GRIA3: variants seen among roughly 807,000 people sequenced by gnomAD.
GRIA3 encodes the protein glutamate receptor 3.
A neutral mutation model predicts 63.0 loss-of-function variants in GRIA3; 3 were observed. That is an observed-to-expected ratio of 0.05 (90% CI 0.02 to 0.12). GRIA3 has a LOEUF of 0.12. Among genes scored for constraint, GRIA3 ranks in the 10% least tolerant of loss-of-function variants. The pLI is 1.00. For synonymous variants in GRIA3, 274 were observed against 257.9 expected (o/e 1.06, Z -0.60); for missense variants, 347 against 700.9 (o/e 0.50, Z 5.70).
At chrX:123,467,443 T>G (rs2045840481) in intron 13 of GRIA3, among the ~76,000 whole-genome samples, 1 of 112,724 alleles carries the variant, frequency 8.9e-6, no homozygotes, top group Non-Finnish European at 1.9e-5. Flanking sequence ...TTCCCACCAA[T>G]GTGAACTGAT....
intron 3 of GRIA3, among the ~76,000 whole-genome samples, chrX:123,258,608 T>G (rs1326183852): frequency 8.9e-6 from 1 of 111,835 alleles, no homozygotes; most frequent in East Asian, 2.8e-4. Flanking sequence ...CAGACTCTCG[T>G]GCACCTGACA....
At chrX:123,421,232 G>C (rs2045563055) in intron 11 of GRIA3, among the ~76,000 whole-genome samples, 1 of 111,543 alleles carries the variant, frequency 9.0e-6, no homozygotes, top group African/African-American at 3.3e-5. Flanking sequence ...TCTTTTGTGT[G>C]TCTTTCGAAA....
chrX:123,186,290 T>C lies in GRIA3; in HGVS notation c.268+300T>C, dbSNP rs753290226. On this transcript the variant is annotated intron_variant, in intron 2 of 15. Transcript: ENST00000620443. The stretch of plus-strand genomic sequence containing the variant: ...GTTCCTTCTCCAACACTCTCTCTCT[T>C]TTTTTTTTAACTGGGGAAAAAAAAA... Among the ~76,000 whole-genome samples, 6 of 107,901 alleles carry C rather than the reference T, an allele frequency of 5.6e-5. No individual in the cohort carries two copies. In the South Asian group the frequency reaches 2.4e-3, roughly 44 times the overall value. 93.7% of individuals were successfully genotyped at this position (107,901 alleles called of 115,157 possible).
At chrX:123,339,594 A>C (rs1021776442) in intron 4 of GRIA3, among the ~76,000 whole-genome samples, 1 of 112,139 alleles carries the variant, frequency 8.9e-6, no homozygotes, top group Non-Finnish European at 1.9e-5. Flanking sequence ...ATCCTAACTC[A>C]GCTTGACTCA....
chrX:123,274,770 G>C (rs778836082), intron 3 of GRIA3, among the ~76,000 whole-genome samples: 6 of 111,897 alleles, frequency 5.4e-5, no homozygotes, highest in African/African-American at 1.9e-4. Context: ...CAGACCCCAA[G>C]AGTGACAGTG....
At chrX:123,440,163 A>C in intron 12 of GRIA3, among the ~76,000 whole-genome samples, 1 of 112,450 alleles carries the variant, frequency 8.9e-6, no homozygotes, top group East Asian at 2.8e-4. Context: ...TCCATCGTGT[A>C]TCTGTACCAC....
chrX:123,397,242 G>A (rs1290436138), intron 6 of GRIA3, among the ~76,000 whole-genome samples: 3 of 111,910 alleles, frequency 2.7e-5, no homozygotes, highest in African/African-American at 9.7e-5. Context: ...CTTTTGCTTA[G>A]TATTGGTCAT....
At chrX:123,254,499 C>G (rs1285108706) in intron 3 of GRIA3, among the ~76,000 whole-genome samples, 3 of 110,808 alleles carry the variant, frequency 2.7e-5, no homozygotes, top group African/African-American at 9.8e-5. Flanking sequence ...GGGGGTGGTT[C>G]TCTCTAACTC....
chrX:123,281,200 A>G, intron 3 of GRIA3, among the ~76,000 whole-genome samples: 1 of 111,999 alleles, frequency 8.9e-6, no homozygotes, highest in Admixed American at 9.5e-5. Flanking sequence ...AGTCATGGCT[A>G]AGATAATGAC....
intron 3 of GRIA3, among the ~76,000 whole-genome samples, chrX:123,307,447 A>T (rs183709207): frequency 8.9e-6 from 1 of 111,859 alleles, no homozygotes; most frequent in African/African-American, 3.2e-5. Flanking sequence ...TTGATATGGG[A>T]TTCAGGGAAT....
intron 10 of GRIA3, among the ~76,000 whole-genome samples, chrX:123,415,789 A>C (rs1382009023): frequency 8.9e-6 from 1 of 111,920 alleles, no homozygotes; most frequent in African/African-American, 3.2e-5. Flanking sequence ...CATGCAGGTA[A>C]GTATTTTTGT....
intron 2 of GRIA3, among the ~76,000 whole-genome samples, chrX:123,233,228 C>T (rs996932106): frequency 9.0e-6 from 1 of 111,660 alleles, no homozygotes; most frequent in African/African-American, 3.3e-5. Flanking sequence ...TACTTGTCTT[C>T]ACTACCATTC....
chrX:123,413,331 A>G (rs193226646), intron 10 of GRIA3, among the ~76,000 whole-genome samples: 3 of 109,825 alleles, frequency 2.7e-5, no homozygotes, highest in African/African-American at 9.9e-5. Context: ...TCCTAGAACT[A>G]TCTTTTAGAC....
chrX:123,383,654 T>G (rs1221458850), intron 5 of GRIA3, among the ~76,000 whole-genome samples: 1 of 112,226 alleles, frequency 8.9e-6, no homozygotes, highest in African/African-American at 3.2e-5. Flanking sequence ...ATTGTGTGTA[T>G]ATACCACATT....
At chrX:123,270,476 C>A (rs1354008657) in intron 3 of GRIA3, among the ~76,000 whole-genome samples, 1 of 112,670 alleles carries the variant, frequency 8.9e-6, no homozygotes, top group Non-Finnish European at 1.9e-5. Flanking sequence ...ATTCAAGCTT[C>A]CCTCATCACT....
chrX:123,368,998 T>G (rs1163897889), intron 5 of GRIA3, among the ~76,000 whole-genome samples: 1 of 111,197 alleles, frequency 9.0e-6, no homozygotes, highest in Non-Finnish European at 1.9e-5. Flanking sequence ...TTCCCAAAAG[T>G]GCAGACTTTG....
intron 3 of GRIA3, among the ~76,000 whole-genome samples, chrX:123,323,864 A>G (rs898915835): frequency 8.9e-6 from 1 of 112,299 alleles, no homozygotes; most frequent in Admixed American, 9.5e-5. Flanking sequence ...ATACTAATTA[A>G]CAATATAATT....
intron 2 of GRIA3, among the ~76,000 whole-genome samples, chrX:123,217,215 G>C (rs1173067817): frequency 9.0e-6 from 1 of 111,467 alleles, no homozygotes; most frequent in African/African-American, 3.3e-5. Flanking sequence ...GGAGAGGACA[G>C]TGAGTCTGCA....
chrX:123,358,238 G>A, intron 5 of GRIA3: 1 of 112,073 alleles, frequency 8.9e-6, no homozygotes, highest in East Asian at 2.8e-4. Flanking sequence ...AAAGTCCAAT[G>A]TGAGTCTTGG....
Sources: allele counts gnomAD v4.1 joint callset (sites outside exome capture counted in the v4.1 genomes callset), GRCh38; gene constraint gnomAD v4.1.1; transcripts MANE v1.5; gene names NCBI Gene and HGNC (gene_info 2026-07-23, HGNC 2026-07-21).